The following HUNK variants were observed in gnomAD, a reference collection of about 807,000 sequenced individuals.
HUNK encodes the protein hormonally up-regulated Neu-associated kinase.
HUNK carries 21 observed loss-of-function variants against 61.0 expected under a neutral mutation model. That is an observed-to-expected ratio of 0.34 (90% CI 0.24 to 0.50). The LOEUF (loss-of-function observed/expected upper bound fraction) is 0.50. Among genes scored for constraint, HUNK ranks in the 20% least tolerant of loss-of-function variants. HUNK has a pLI of 0.98. For synonymous variants in HUNK, 371 were observed against 386.1 expected (o/e 0.96, Z 0.46); for missense variants, 772 against 945.7 (o/e 0.82, Z 2.41).
chr21:31,969,162 C>T (rs2052992094), intron 6 of HUNK, among the ~76,000 whole-genome samples: 1 of 152,072 alleles, frequency 6.6e-6, no homozygotes, highest in African/African-American at 2.4e-5. Context: ...CATGTGTGAG[C>T]CAACGTGCCC....
At chr21:31,979,447 G>A (rs528031282) in intron 7 of HUNK, among the ~76,000 whole-genome samples, 1 of 147,558 alleles carries the variant, frequency 6.8e-6, no homozygotes, top group East Asian at 2.1e-4. Context: ...CTTCTTTTGA[G>A]AAATGTCTTC....
At position 31,990,192 on chromosome 21, in the gene HUNK, A is replaced by T; in HGVS notation, c.1305+16A>T. The T allele has an allele frequency of 6.2e-7, 1 of 1,610,406 alleles. No homozygotes were observed. The highest frequency in any genetic ancestry group is 8.5e-7 in the Non-Finnish European group (1 of 1,177,038). ...TGCCGTGCAGGTAAGAACTTGGGGG[A>T]TTATTATGTTAGTCAGGGTTCTCCA... On this transcript the variant is annotated intron_variant, in intron 9 of 10. Coordinates refer to ENST00000270112, the MANE Select transcript of HUNK (RefSeq NM_014586.2).
chr21:31,929,303 T>C (rs1317996194), intron 2 of HUNK, among the ~76,000 whole-genome samples: 1 of 152,134 alleles, frequency 6.6e-6, no homozygotes, highest in African/African-American at 2.4e-5. Context: ...TTCACTTTGC[T>C]GGCAGAGAGC....
In HUNK at chr21:31,874,009, G is replaced by A. The variant is rs187318167; in HGVS notation, c.261+74G>A. The A allele has an allele frequency of 4.5e-3, 5,399 of 1,186,690 alleles. 20 individuals carry two copies. The highest frequency in any genetic ancestry group is 6.3e-3 in the South Asian group (323 of 51,178). The allele number at this position is 1,186,690 out of a possible 1,614,324, so 73.5% of individuals were successfully genotyped here. On this transcript the variant is annotated intron_variant, in intron 1 of 10. Coordinates refer to ENST00000270112, the MANE Select transcript of HUNK (RefSeq NM_014586.2). ...CGGCCAGGACCCCGCGGGGAGCACT[G>A]CACTGGGAGTCCCAGTGTGCAGTCC...
At chr21:31,913,636 G>C (rs538870768) in intron 1 of HUNK, among the ~76,000 whole-genome samples, 1 of 152,088 alleles carries the variant, frequency 6.6e-6, no homozygotes, top group East Asian at 1.9e-4. Context: ...GATGGCCAGA[G>C]GCACGTCAGA....
At chr21:31,949,350 C>T (rs935297097) in intron 4 of HUNK, among the ~76,000 whole-genome samples, 1 of 152,116 alleles carries the variant, frequency 6.6e-6, no homozygotes, top group South Asian at 2.1e-4. Context: ...CTCAACACAG[C>T]CCCTCCCGGC....
intron 1 of HUNK, among the ~76,000 whole-genome samples, chr21:31,889,951 A>C (rs2052374506): frequency 6.6e-6 from 1 of 152,210 alleles, no homozygotes; most frequent in Non-Finnish European, 1.5e-5. Context: ...AGTCTAATAT[A>C]AATCAGTGTT....
At chr21:31,917,599 T>C (rs2833561) in intron 1 of HUNK, among the ~76,000 whole-genome samples, 55,360 of 151,448 alleles carry the variant, frequency 0.37, 11,042 homozygotes, top group African/African-American at 0.53. Context: ...TGTTGATGAG[T>C]CTCGGTTTTA....
chr21:31,925,250 C>A (rs2052652260), intron 2 of HUNK, among the ~76,000 whole-genome samples: 1 of 152,162 alleles, frequency 6.6e-6, no homozygotes, highest in Admixed American at 6.5e-5. Context: ...AGTTATGTGA[C>A]CCTGGGCAAG....
intron 1 of HUNK, among the ~76,000 whole-genome samples, chr21:31,878,551 A>G (rs1189523212): frequency 6.6e-6 from 1 of 152,040 alleles, no homozygotes; most frequent in African/African-American, 2.4e-5. Context: ...CCTGGCCAAC[A>G]TGGAGAAACC....
At chr21:31,940,299 T>C (rs1437886278) in intron 3 of HUNK, 79 bp downstream of exon 3, 1 of 837,238 alleles carries the variant, frequency 1.2e-6, no homozygotes, top group Non-Finnish European at 1.9e-6. Flanking sequence ...AAATTATCCA[T>C]GGTCTATCTC....
chr21:31,892,158 A>AT (rs1363557506), intron 1 of HUNK, among the ~76,000 whole-genome samples: 3,122 of 111,068 alleles, frequency 0.028, 40 homozygotes, highest in Middle Eastern at 0.04. Context: ...TAAAAAAAAA[A>AT]AAAAATATAT....
chr21:31,900,304 G>A (rs1191462376), intron 1 of HUNK, among the ~76,000 whole-genome samples: 6 of 152,054 alleles, frequency 3.9e-5, no homozygotes, highest in Admixed American at 3.9e-4. Flanking sequence ...CTGCCCAGCT[G>A]GAGGTAGTTT....
intron 8 of HUNK, among the ~76,000 whole-genome samples, chr21:31,984,119 G>A (rs1437130291): frequency 1.3e-5 from 2 of 152,156 alleles, no homozygotes; most frequent in East Asian, 1.9e-4. Flanking sequence ...GTTGCTTAAC[G>A]AACATGAAAT....
intron 2 of HUNK, among the ~76,000 whole-genome samples, chr21:31,937,621 T>C (rs1224885826): frequency 2.6e-5 from 4 of 152,248 alleles, no homozygotes; most frequent in African/African-American, 7.2e-5. Context: ...TGTGACTAGT[T>C]TGAATAAAAT....
intron 4 of HUNK, among the ~76,000 whole-genome samples, chr21:31,946,663 A>T (rs904817168): frequency 2.6e-5 from 4 of 151,928 alleles, no homozygotes; most frequent in Non-Finnish European, 5.9e-5. Flanking sequence ...CGCCCAGGCT[A>T]GAGTGCAGTC....
intron 4 of HUNK, among the ~76,000 whole-genome samples, chr21:31,955,515 C>T (rs1385181623): frequency 2.0e-5 from 3 of 151,888 alleles, no homozygotes; most frequent in Admixed American, 1.3e-4. Context: ...GGCGTGAACC[C>T]GGGAGGCAGA....
At position 32,000,883 on chromosome 21, in the gene HUNK, G is replaced by A. The variant is rs1219802663; in HGVS notation, c.*1699G>A. On this transcript the variant is annotated 3_prime_UTR_variant, in exon 11 of 11. Transcript: ENST00000270112. ...TGTTTCTTCCCTAGGGGATCACCAC[G>A]GCTCTAGGGCATTCTAGGATGAGGT... The A allele has an allele frequency of 5.5e-5, 22 of 397,438 alleles. No homozygotes were observed. Among genetic ancestry groups the A allele is most frequent in the Non-Finnish European group, 9.3e-5 (21 of 225,980 alleles). The allele number at this position is 397,438 out of a possible 1,614,324, so 24.6% of individuals were successfully genotyped here. A position where few individuals can be genotyped will look rare whatever the true frequency, so the allele number is the denominator to read the frequency against.
At chr21:31,902,920 T>C (rs2052478860) in intron 1 of HUNK, among the ~76,000 whole-genome samples, 1 of 152,242 alleles carries the variant, frequency 6.6e-6, no homozygotes, top group South Asian at 2.1e-4. Context: ...TATGTAATGA[T>C]AAAATGTGTT....
Sources: allele counts gnomAD v4.1 joint callset (sites outside exome capture counted in the v4.1 genomes callset), GRCh38; gene constraint gnomAD v4.1.1; transcripts MANE v1.5; gene names NCBI Gene and HGNC (gene_info 2026-07-23, HGNC 2026-07-21).